The following CAMTA1 variants were observed in gnomAD, a reference collection of about 807,000 sequenced individuals.
CAMTA1 encodes calmodulin binding transcription activator 1.
A neutral mutation model predicts 170.9 loss-of-function variants in CAMTA1; 27 were observed. The ratio of observed to expected loss-of-function variants is 0.16; its 90% CI spans 0.12 to 0.22. The LOEUF (loss-of-function observed/expected upper bound fraction) is 0.22. CAMTA1 is among the 10% of genes least tolerant of loss of function. The probability of loss-of-function intolerance (pLI) is 1.00; values close to 1 mark genes in which losing one functional copy is unlikely to be tolerated. For missense variants in CAMTA1, 1,619 were observed against 2,217.2 expected (o/e 0.73, Z 5.42); for synonymous variants, 833 against 891.5 (o/e 0.93, Z 1.17).
intron 4 of CAMTA1, among the ~76,000 whole-genome samples, chr1:7,171,158 C>T (rs1030585204): frequency 1.3e-5 from 2 of 152,192 alleles, no homozygotes; most frequent in Non-Finnish European, 2.9e-5. Context: ...AACCTGTTCT[C>T]CTGGAACGTG....
chr1:6,940,740 T>G (rs1686303799), intron 3 of CAMTA1, among the ~76,000 whole-genome samples: 1 of 152,064 alleles, frequency 6.6e-6, no homozygotes, highest in African/African-American at 2.4e-5. Flanking sequence ...TGGGGATTAC[T>G]GGAGCCCTCG....
At chr1:7,763,465 T>G (rs1314405542) in intron 22 of CAMTA1, among the ~76,000 whole-genome samples, 1 of 152,258 alleles carries the variant, frequency 6.6e-6, no homozygotes, top group East Asian at 1.9e-4. Flanking sequence ...ACATTGTACG[T>G]GGACATGCAC....
At chr1:6,806,243 A>C (rs754511665) in intron 1 of CAMTA1, among the ~76,000 whole-genome samples, 1 of 152,146 alleles carries the variant, frequency 6.6e-6, no homozygotes, top group Non-Finnish European at 1.5e-5. Context: ...TGCCATTACC[A>C]CAATGTCTTG....
chr1:7,551,575 C>G (rs542252409), intron 6 of CAMTA1, among the ~76,000 whole-genome samples: 1 of 152,338 alleles, frequency 6.6e-6, no homozygotes, highest in East Asian at 1.9e-4. Context: ...CAGCAGCCCC[C>G]TCCCCTACTG....
At chr1:7,060,893 C>T (rs1051268104) in intron 3 of CAMTA1, among the ~76,000 whole-genome samples, 2 of 152,312 alleles carry the variant, frequency 1.3e-5, no homozygotes, top group Middle Eastern at 3.4e-3. Context: ...TCTGACATAA[C>T]GAAGATTTCC....
chr1:7,308,956 A>G (rs888588442), intron 5 of CAMTA1, among the ~76,000 whole-genome samples: 1 of 152,172 alleles, frequency 6.6e-6, no homozygotes, highest in African/African-American at 2.4e-5. Context: ...TTTTCCCTTC[A>G]GTTCTTTCAG....
intron 6 of CAMTA1, among the ~76,000 whole-genome samples, chr1:7,569,144 C>T (rs556035818): frequency 9.9e-5 from 15 of 151,174 alleles, no homozygotes; most frequent in South Asian, 6.4e-4. Context: ...ATCATCACCA[C>T]GATCATCACC....
chr1:7,695,271 C>T (rs1048783775), intron 11 of CAMTA1, among the ~76,000 whole-genome samples: 7 of 152,202 alleles, frequency 4.6e-5, no homozygotes, highest in African/African-American at 7.2e-5. Flanking sequence ...TTACACCCCT[C>T]CCCTGGAAAG....
intron 3 of CAMTA1, among the ~76,000 whole-genome samples, chr1:6,895,244 C>G (rs1675376807): frequency 6.6e-6 from 1 of 152,220 alleles, no homozygotes; most frequent in African/African-American, 2.4e-5. Flanking sequence ...CTGAGATTCA[C>G]TTAACACAAA....
chr1:7,455,384 A>G lies in CAMTA1; in HGVS notation c.439-12446A>G, dbSNP rs1224251707. On this transcript the variant is annotated intron_variant, in intron 5 of 22. Coordinates refer to ENST00000303635, the MANE Select transcript of CAMTA1 (RefSeq NM_015215.4). The surrounding 1 kb of genome is among the most constrained non-coding windows in gnomAD (Gnocchi z 5.0). ...CCCAGCCCATTAATTCTGCATGCTC[A>G]GGCCGAATTAACCTTGGCAAGCCTT... Among the ~76,000 whole-genome samples the G allele has an allele frequency of 6.6e-6, 1 of 152,236 alleles. No homozygotes were observed. The highest frequency in any genetic ancestry group is 1.9e-4 in the East Asian group (1 of 5,202).
rs568715988 is a variant in CAMTA1, at chr1:7,043,986, T to A, written c.235-47318T>A. Among the ~76,000 whole-genome samples, 6 of 152,304 alleles carry A rather than the reference T, an allele frequency of 3.9e-5. No individual in the cohort carries two copies. The South Asian group carries it at 1.2e-3, about 32-fold the overall frequency. On this transcript the variant is annotated intron_variant, in intron 3 of 22. Coordinates refer to ENST00000303635, the MANE Select transcript of CAMTA1 (RefSeq NM_015215.4). Reference sequence around the variant, plus strand: ...GCTCACATTCCTCACTGGGAACATTTGGAGGATATAGGTCTAGGGGAGGGT... The same window carrying A: ...GCTCACATTCCTCACTGGGAACATTAGGAGGATATAGGTCTAGGGGAGGGT...
In CAMTA1 at chr1:7,747,692, C is replaced by G; in HGVS notation, c.4618-18C>G. On this transcript the variant is annotated intron_variant, in intron 18 of 22. Transcript: ENST00000303635. ...GTTAATCATTACTGATTTTTTTTCTCCTTACTTTACCCTTAAGGGCCGACC... is the reference window on the plus strand; with the variant it reads ...GTTAATCATTACTGATTTTTTTTCTGCTTACTTTACCCTTAAGGGCCGACC... The G allele has an allele frequency of 6.4e-7, 1 of 1,559,854 alleles. No individual in the cohort carries two copies. Among genetic ancestry groups the G allele is most frequent in the South Asian group, 1.2e-5 (1 of 83,448 alleles).
chr1:7,479,464 G>T (rs754591853), intron 6 of CAMTA1, among the ~76,000 whole-genome samples: 15 of 152,180 alleles, frequency 9.9e-5, no homozygotes, highest in Non-Finnish European at 1.8e-4. Context: ...CGTCCTGGGG[G>T]ATTTTATGCT....
At position 7,326,102 on chromosome 1, in the gene CAMTA1, G is replaced by C. The variant is rs569193260; in HGVS notation, c.438+76476G>C. Among the ~76,000 whole-genome samples, 36 of 152,148 alleles carry C rather than the reference G, an allele frequency of 2.4e-4. 1 individual carries two copies. The highest frequency in any genetic ancestry group is 7.2e-4 in the African/African-American group (30 of 41,502). ...TTGAACTCATGAGCTCAAGTGATCC[G>C]CCTGCCTCAGCCTCCCAAACTGTTG... is the stretch of plus-strand genomic sequence containing the variant. On this transcript the variant is annotated intron_variant, in intron 5 of 22. Coordinates refer to ENST00000303635, the MANE Select transcript of CAMTA1 (RefSeq NM_015215.4).
intron 3 of CAMTA1, among the ~76,000 whole-genome samples, chr1:7,020,399 G>A (rs978984956): frequency 1.3e-5 from 2 of 152,216 alleles, no homozygotes; most frequent in Non-Finnish European, 2.9e-5. Context: ...GGAGCCATAG[G>A]CTGGATGAGT....
intron 4 of CAMTA1, among the ~76,000 whole-genome samples, chr1:7,114,256 A>C (rs6577413): frequency 0.78 from 118,997 of 152,008 alleles, 47,155 homozygotes; most frequent in African/African-American, 0.9. Flanking sequence ...GACCCAGGGT[A>C]CCCTGTATTA....
intron 22 of CAMTA1, among the ~76,000 whole-genome samples, chr1:7,765,715 C>T (rs2097016350): frequency 6.6e-6 from 1 of 152,136 alleles, no homozygotes; most frequent in Non-Finnish European, 1.5e-5. Context: ...GCAGTAGTAG[C>T]TTAATCCCTA....
intron 10 of CAMTA1, among the ~76,000 whole-genome samples, chr1:7,676,456 C>T (rs762863947): frequency 2.0e-5 from 3 of 152,218 alleles, no homozygotes; most frequent in Non-Finnish European, 4.4e-5. Flanking sequence ...CAGCGGCCAC[C>T]GGTCAATGAG....
chr1:7,520,456 A>G (rs2094350459), intron 6 of CAMTA1, among the ~76,000 whole-genome samples: 1 of 150,826 alleles, frequency 6.6e-6, no homozygotes, highest in Admixed American at 6.6e-5. Flanking sequence ...AGCAGGATAC[A>G]GCCTTGGGTT....
Sources: allele counts gnomAD v4.1 joint callset (sites outside exome capture counted in the v4.1 genomes callset), GRCh38; gene constraint gnomAD v4.1.1; non-coding constraint Gnocchi (gnomAD v3.1); transcripts MANE v1.5; gene names NCBI Gene and HGNC (gene_info 2026-07-23, HGNC 2026-07-21).